The following FRMD3 variants were observed in gnomAD, a reference collection of about 807,000 sequenced individuals.
FRMD3 encodes FERM domain-containing protein 3.
In FRMD3, 33 loss-of-function variants were observed where a neutral mutation model predicts 70.2. The observed-to-expected ratio is 0.47, with a 90% confidence interval of 0.36 to 0.63. The LOEUF is 0.63. FRMD3 is among the 20% of genes least tolerant of loss of function. The pLI is 0.00. For synonymous variants in FRMD3, 279 were observed against 255.9 expected (o/e 1.09, Z -0.86); for missense variants, 632 against 711.4 (o/e 0.89, Z 1.27).
At chr9:83,392,476 C>A (rs529429323) in intron 1 of FRMD3, among the ~76,000 whole-genome samples, 5 of 152,196 alleles carry the variant, frequency 3.3e-5, no homozygotes, top group African/African-American at 1.2e-4. Flanking sequence ...CCAGCTACTG[C>A]CCATATACCT....
chr9:83,335,678 A>G (rs1276668200), intron 5 of FRMD3, 39 bp from the exon 6 acceptor site: 1 of 1,594,438 alleles, frequency 6.3e-7, no homozygotes. Context: ...GAGAAAGATT[A>G]AAAACAATAA....
chr9:83,399,607 G>C (rs1394569553), intron 1 of FRMD3, among the ~76,000 whole-genome samples: 1 of 152,128 alleles, frequency 6.6e-6, no homozygotes. Context: ...AACAAAGTGA[G>C]TTTTTTTCTT....
intron 1 of FRMD3, among the ~76,000 whole-genome samples, chr9:83,424,385 A>G (rs979973489): frequency 6.6e-6 from 1 of 152,228 alleles, no homozygotes; most frequent in Non-Finnish European, 1.5e-5. Flanking sequence ...GCAAAAATAT[A>G]CAGACCACTG....
chr9:83,278,676 A>G (rs1179398286), intron 13 of FRMD3, among the ~76,000 whole-genome samples: 1 of 152,166 alleles, frequency 6.6e-6, no homozygotes, highest in African/African-American at 2.4e-5. Flanking sequence ...ACCCACGTGG[A>G]CTGTCAATCA....
chr9:83,513,816 G>T (rs2131534180), intron 1 of FRMD3, among the ~76,000 whole-genome samples: 1 of 152,288 alleles, frequency 6.6e-6, no homozygotes, highest in South Asian at 2.1e-4. Context: ...CAGAAGGTGA[G>T]CAGAAGCAGG....
chr9:83,349,558 A>G, intron 4 of FRMD3, 121 bp downstream of exon 4: 3 of 628,584 alleles, frequency 4.8e-6, no homozygotes, highest in Admixed American at 3.0e-5. Context: ...AAAACGCTGA[A>G]TTCCAAGCTT....
At chr9:83,416,660 C>A (rs1363762469) in intron 1 of FRMD3, among the ~76,000 whole-genome samples, 1 of 151,874 alleles carries the variant, frequency 6.6e-6, no homozygotes, top group Non-Finnish European at 1.5e-5. Context: ...CTTAAGTCTG[C>A]CATCCTCTCT....
rs546391736 is a variant in FRMD3 at position 83,442,592 on chromosome 9, G to A, written c.148-52884C>T. 6.0e-5 allele frequency among the ~76,000 whole-genome samples: 9 copies of A among 151,192 alleles called. No individual in the cohort carries two copies. The South Asian group carries it at 1.5e-3, about 26-fold the overall frequency. ...TAAACTAATAGGGAGGAAAGCCAAC[G>A]TATAAAATTGGATCTGTCTGACTCC... On this transcript the variant is annotated intron_variant, in intron 1 of 13. Transcript: ENST00000304195.
intron 3 of FRMD3, among the ~76,000 whole-genome samples, chr9:83,352,793 C>T (rs1260673875): frequency 6.6e-6 from 1 of 152,154 alleles, no homozygotes; most frequent in Non-Finnish European, 1.5e-5. Context: ...TGGACATAAT[C>T]GTCGTCTCCT....
At chr9:83,402,461 C>T (rs2131320856) in intron 1 of FRMD3, among the ~76,000 whole-genome samples, 1 of 151,626 alleles carries the variant, frequency 6.6e-6, no homozygotes, top group Admixed American at 6.6e-5. Context: ...GATGATGGGG[C>T]CAAGCAGCCT....
chr9:83,392,714 A>G (rs987026275), intron 1 of FRMD3, among the ~76,000 whole-genome samples: 1 of 152,208 alleles, frequency 6.6e-6, no homozygotes, highest in Non-Finnish European at 1.5e-5. Flanking sequence ...GCACTAACAG[A>G]GAGCCCCGGG....
intron 1 of FRMD3, among the ~76,000 whole-genome samples, chr9:83,534,545 A>G (rs1242369537): frequency 3.9e-5 from 6 of 152,228 alleles, no homozygotes. Context: ...TGGGAGGCAC[A>G]CTGAAGAGGC....
At chr9:83,412,811 A>C (rs1231336297) in intron 1 of FRMD3, among the ~76,000 whole-genome samples, 1 of 152,168 alleles carries the variant, frequency 6.6e-6, no homozygotes, top group Non-Finnish European at 1.5e-5. Context: ...TCTGGCCAAC[A>C]TGGTGAAACC....
intron 6 of FRMD3, among the ~76,000 whole-genome samples, chr9:83,322,010 A>G (rs563303775): frequency 2.6e-5 from 4 of 152,206 alleles, no homozygotes; most frequent in Non-Finnish European, 5.9e-5. Flanking sequence ...TCAACTGGAC[A>G]TGGTTGCAGC....
upstream of FRMD3, among the ~76,000 whole-genome samples, chr9:83,541,120 G>C (rs1564122874): frequency 6.6e-6 from 1 of 152,156 alleles, no homozygotes; most frequent in African/African-American, 2.4e-5. Context: ...ACCTTGGAAA[G>C]GGAAGCCGAT....
upstream of FRMD3, among the ~76,000 whole-genome samples, chr9:83,539,005 C>T (rs370943041): frequency 6.6e-6 from 1 of 152,206 alleles, no homozygotes; most frequent in Admixed American, 6.5e-5. Flanking sequence ...CTAGCTAGGA[C>T]TCAGTCTCTT....
chr9:83,513,245 T>A (rs1829379716), intron 1 of FRMD3, among the ~76,000 whole-genome samples: 1 of 152,224 alleles, frequency 6.6e-6, no homozygotes, highest in South Asian at 2.1e-4. Context: ...TCAGTGGAGT[T>A]AGTATTACTT....
chr9:83,283,546 AAAT>A (rs141284669), intron 13 of FRMD3, among the ~76,000 whole-genome samples: 326 of 25,814 alleles, frequency 0.013, 1 homozygote, highest in Non-Finnish European at 0.029. Flanking sequence ...AAAAAAAAAA[AAAT>A]AATAATAATA....
chr9:83,283,097 G>T (rs2118919064), intron 13 of FRMD3, among the ~76,000 whole-genome samples: 1 of 152,252 alleles, frequency 6.6e-6, no homozygotes, highest in Non-Finnish European at 1.5e-5. Context: ...AAACATGAAA[G>T]AAAAGGTAAA....
Sources: gnomAD v4.1 joint callset for allele counts (sites outside exome capture counted in the v4.1 genomes callset) on GRCh38, gnomAD v4.1.1 for gene constraint, MANE v1.5 for transcripts, NCBI Gene and HGNC (gene_info 2026-07-23, HGNC 2026-07-21) for gene names.